The following CNTN5 variants were observed in gnomAD, a reference collection of about 807,000 sequenced individuals.
CNTN5 encodes the protein contactin 5, also known as contactin-5.
CNTN5 carries 77 observed loss-of-function variants against 129.1 expected under a neutral mutation model. That is an observed-to-expected ratio of 0.60 (90% confidence interval 0.50 to 0.72). The LOEUF is 0.72. CNTN5 is among the 30% of genes least tolerant of loss of function. CNTN5 has a pLI of 0.00. For synonymous variants in CNTN5, 509 were observed against 465.6 expected (o/e 1.09, Z -1.20); for missense variants, 1,478 against 1,328.8 (o/e 1.11, Z -1.75).
intron 13 of CNTN5, among the ~76,000 whole-genome samples, chr11:100,167,260 T>C: frequency 6.6e-6 from 1 of 151,202 alleles, no homozygotes; most frequent in East Asian, 1.9e-4. Flanking sequence ...AGACATATAC[T>C]GTGTGTAAGA....
At chr11:100,347,966 T>A (rs549651456) in intron 23 of CNTN5, among the ~76,000 whole-genome samples, 1 of 152,200 alleles carries the variant, frequency 6.6e-6, no homozygotes, top group South Asian at 2.1e-4. Flanking sequence ...AGAATAGCCA[T>A]TTTCAGATCA....
chr11:99,972,324 T>C (rs894535149), intron 8 of CNTN5, among the ~76,000 whole-genome samples: 1 of 133,244 alleles, frequency 7.5e-6, no homozygotes, highest in Non-Finnish European at 1.6e-5. Context: ...ATACTTCAGA[T>C]CTGCCCAGAG....
intron 16 of CNTN5, among the ~76,000 whole-genome samples, chr11:100,247,901 AAATAAG>A (rs1949880636): frequency 6.6e-6 from 1 of 152,188 alleles, no homozygotes; most frequent in South Asian, 2.1e-4. Flanking sequence ...CGCATGATAA[AAATAAG>A]AATTAGTCAC....
Position 99,954,243 on chromosome 11 carries a change from G to A in CNTN5, c.674-2563G>A, listed in dbSNP as rs117634960. Among the ~76,000 whole-genome samples, 1,462 of 152,274 alleles carry A rather than the reference G, an allele frequency of 9.6e-3. 9 individuals carry two copies. Among genetic ancestry groups the A allele is most frequent in the Non-Finnish European group, 0.014 (935 of 68,032 alleles). On this transcript the variant is annotated intron_variant, in intron 7 of 24. Transcript: ENST00000524871. ...CATTCTCGAGGAAGACTTTCATAAC[G>A]TAGATGCACAGTATATCTCAAAGTG...
intron 1 of CNTN5, among the ~76,000 whole-genome samples, chr11:99,084,914 G>T (rs1195617118): frequency 6.6e-6 from 1 of 152,058 alleles, no homozygotes; most frequent in East Asian, 1.9e-4. Context: ...CTAAGATATG[G>T]TTTATCTGAT....
At chr11:99,728,533 T>C (rs1003442654) in intron 3 of CNTN5, among the ~76,000 whole-genome samples, 1 of 152,188 alleles carries the variant, frequency 6.6e-6, no homozygotes, top group African/African-American at 2.4e-5. Context: ...AGGTGCTTTT[T>C]AGAAATAAAT....
At chr11:100,300,563 G>A (rs1053012024) in intron 20 of CNTN5, among the ~76,000 whole-genome samples, 1 of 151,460 alleles carries the variant, frequency 6.6e-6, no homozygotes, top group East Asian at 1.9e-4. Context: ...ATCCCCCCAT[G>A]AAGCTATGAG....
chr11:99,193,205 A>T (rs1406116385), intron 1 of CNTN5, among the ~76,000 whole-genome samples: 1 of 152,196 alleles, frequency 6.6e-6, no homozygotes, highest in Admixed American at 6.6e-5. Flanking sequence ...ACAAAGCTCT[A>T]TCTTCACTAT....
At chr11:100,037,702 T>G (rs981846044) in intron 9 of CNTN5, among the ~76,000 whole-genome samples, 1 of 152,206 alleles carries the variant, frequency 6.6e-6, no homozygotes, top group Admixed American at 6.5e-5. Flanking sequence ...CTTGGGAGGA[T>G]GTATGTGTTG....
rs186323807 is a variant in CNTN5 at position 99,654,237 on chromosome 11, G to A, written c.55+97968G>A. On this transcript the variant is annotated intron_variant, in intron 3 of 24. Transcript: ENST00000524871. ...TAGCAGATGTCCACAGTAGCTGTGTGTATTAGAATTGTTTAATTTATGGAG... is the reference window on the plus strand; with the variant it reads ...TAGCAGATGTCCACAGTAGCTGTGTATATTAGAATTGTTTAATTTATGGAG... Among the ~76,000 whole-genome samples the A allele has an allele frequency of 6.9e-3, 1,041 of 151,858 alleles. 69 individuals carry two copies. The East Asian group carries it at 0.17, about 24-fold the overall frequency.
intron 21 of CNTN5, among the ~76,000 whole-genome samples, chr11:100,315,699 A>T (rs950134882): frequency 6.6e-6 from 1 of 152,216 alleles, no homozygotes; most frequent in African/African-American, 2.4e-5. Flanking sequence ...AGAAAAAAAA[A>T]TATGAAATTC....
intron 3 of CNTN5, among the ~76,000 whole-genome samples, chr11:99,753,484 A>G (rs987309829): frequency 2.6e-5 from 4 of 151,510 alleles, no homozygotes; most frequent in Non-Finnish European, 5.9e-5. Context: ...AATATCCTGC[A>G]TATGGGCATA....
At chr11:99,770,361 T>C (rs529429432) in intron 3 of CNTN5, among the ~76,000 whole-genome samples, 1 of 152,206 alleles carries the variant, frequency 6.6e-6, no homozygotes, top group Non-Finnish European at 1.5e-5. Context: ...TCATAAGAGA[T>C]CATTTTCATT....
At chr11:100,286,265 A>C (rs1328253105) in intron 18 of CNTN5, among the ~76,000 whole-genome samples, 2 of 152,218 alleles carry the variant, frequency 1.3e-5, no homozygotes, top group Admixed American at 1.3e-4. Flanking sequence ...CAGCTCAAGG[A>C]GGCCAGCCTG....
intron 23 of CNTN5, among the ~76,000 whole-genome samples, chr11:100,349,716 AAC>A (rs1037446256): frequency 6.6e-6 from 1 of 151,858 alleles, no homozygotes; most frequent in Non-Finnish European, 1.5e-5. Context: ...AAGCACAAAA[AAC>A]AGTGACTCTG....
chr11:99,055,133 C>G lies in CNTN5; in HGVS notation c.-210+33863C>G, dbSNP rs545711439. Reference sequence around the variant, plus strand: ...CTAATGTTACTGATCTGTGAAGACACTTTGAGGGCTACTGATAAAACATAG... The same window carrying G: ...CTAATGTTACTGATCTGTGAAGACAGTTTGAGGGCTACTGATAAAACATAG... On this transcript the variant is annotated intron_variant, in intron 1 of 24. Coordinates refer to ENST00000524871, the MANE Select transcript of CNTN5 (RefSeq NM_014361.4). Among the ~76,000 whole-genome samples the G allele has an allele frequency of 2.0e-5, 3 of 152,046 alleles. No homozygotes were observed. In the East Asian group the frequency reaches 5.8e-4, roughly 29 times the overall value.
At chr11:99,095,619 T>C (rs552981748) in intron 1 of CNTN5, among the ~76,000 whole-genome samples, 1 of 151,834 alleles carries the variant, frequency 6.6e-6, no homozygotes, top group East Asian at 1.9e-4. Flanking sequence ...ATCAGGCTTG[T>C]TGAGTAGAGT....
At chr11:99,336,066 G>A (rs1471641370) in intron 2 of CNTN5, among the ~76,000 whole-genome samples, 1 of 151,960 alleles carries the variant, frequency 6.6e-6, no homozygotes, top group African/African-American at 2.4e-5. Context: ...TTTTTAGATT[G>A]CTGATTTAGC....
At chr11:99,042,068 A>G (rs1456888342) in intron 1 of CNTN5, among the ~76,000 whole-genome samples, 1 of 151,886 alleles carries the variant, frequency 6.6e-6, no homozygotes, top group East Asian at 1.9e-4. Context: ...GTCTCTCATT[A>G]TTTTCTCTTT....
Sources: gnomAD v4.1 joint callset for allele counts (sites outside exome capture counted in the v4.1 genomes callset) on GRCh38, gnomAD v4.1.1 for gene constraint, MANE v1.5 for transcripts, NCBI Gene and HGNC (gene_info 2026-07-23, HGNC 2026-07-21) for gene names.